PARD3B: variants seen among roughly 807,000 people sequenced by gnomAD.
PARD3B encodes the protein par-3 family cell polarity regulator beta, also known as partitioning defective 3 homolog B.
In PARD3B, 103 loss-of-function variants were observed where a neutral mutation model predicts 130.2. The observed-to-expected ratio is 0.79, with a 90% CI of 0.67 to 0.93. The LOEUF is 0.93. Ranked by LOEUF, PARD3B falls within the 40% of genes least tolerant of loss-of-function variation. The probability of loss-of-function intolerance (pLI) is 0.00; values close to 1 mark genes in which losing one functional copy is unlikely to be tolerated. For synonymous variants in PARD3B, 583 were observed against 553.2 expected (o/e 1.05, Z -0.76); for missense variants, 1,609 against 1,499.2 (o/e 1.07, Z -1.21).
chr2:204,749,004 G>A (rs576403325), intron 2 of PARD3B, among the ~76,000 whole-genome samples: 4 of 151,806 alleles, frequency 2.6e-5, no homozygotes, highest in East Asian at 1.9e-4. Context: ...CCCCCTTTTC[G>A]TTAATATCAA....
intron 21 of PARD3B, among the ~76,000 whole-genome samples, chr2:205,524,100 G>C (rs1320669860): frequency 6.6e-6 from 1 of 151,836 alleles, no homozygotes; most frequent in African/African-American, 2.4e-5. Context: ...TAAGTAACTT[G>C]TTTTCTCTAT....
chr2:205,123,719 G>A (rs183613171), intron 8 of PARD3B, among the ~76,000 whole-genome samples: 145 of 151,846 alleles, frequency 9.5e-4, no homozygotes, highest in Non-Finnish European at 1.6e-3. Flanking sequence ...GATGGTCGCG[G>A]GTAGGTCACT....
intron 1 of PARD3B, among the ~76,000 whole-genome samples, chr2:204,547,722 C>T (rs2030095353): frequency 6.6e-6 from 1 of 152,114 alleles, no homozygotes; most frequent in South Asian, 2.1e-4. Flanking sequence ...AATTTATGCC[C>T]TCAAATCTTG....
intron 15 of PARD3B, among the ~76,000 whole-genome samples, chr2:205,199,302 T>C (rs768632496): frequency 7.9e-5 from 12 of 152,064 alleles, no homozygotes; most frequent in Non-Finnish European, 1.5e-4. Flanking sequence ...ATTCTGACAT[T>C]ATGATAACTT....
intron 4 of PARD3B, among the ~76,000 whole-genome samples, chr2:205,066,874 C>A (rs1240863305): frequency 1.3e-5 from 2 of 151,964 alleles, no homozygotes; most frequent in African/African-American, 4.8e-5. Flanking sequence ...TTCCTCATGT[C>A]TTTCAAGTGT....
rs757081166 is a variant in PARD3B, at chr2:204,858,394, C to A, written c.223-106758C>A. Among the ~76,000 whole-genome samples, 4 of 151,302 alleles carry A rather than the reference C, an allele frequency of 2.6e-5. No homozygotes were observed. The South Asian group carries it at 8.3e-4, about 32-fold the overall frequency. On this transcript the variant is annotated intron_variant, in intron 2 of 22. Coordinates refer to ENST00000406610, the MANE Select transcript of PARD3B (RefSeq NM_001302769.2). ...TTCAGCCTTTTTAAAAAAGGAGATT[C>A]TGCTCTATGCCACAACATGGATGGT...
At chr2:205,499,830 G>T in intron 20 of PARD3B, 66 bp from the exon 21 acceptor site, 2 of 1,450,510 alleles carry the variant, frequency 1.4e-6, no homozygotes, top group South Asian at 1.4e-5. Flanking sequence ...TTAACAAGAA[G>T]ATCCAAAAGT....
At chr2:204,715,881 T>A (rs1475710390) in intron 2 of PARD3B, among the ~76,000 whole-genome samples, 1 of 152,188 alleles carries the variant, frequency 6.6e-6, no homozygotes, top group Non-Finnish European at 1.5e-5. Context: ...TCTAGTTTTT[T>A]AATTATCTCT....
At chr2:205,423,228 T>G (rs1271756391) in intron 19 of PARD3B, among the ~76,000 whole-genome samples, 2 of 152,164 alleles carry the variant, frequency 1.3e-5, no homozygotes, top group Non-Finnish European at 2.9e-5. Context: ...GCCAGTGCTG[T>G]GTCCTCAGTG....
intron 2 of PARD3B, among the ~76,000 whole-genome samples, chr2:204,850,178 G>T (rs1039089008): frequency 2.0e-5 from 3 of 152,016 alleles, no homozygotes; most frequent in Non-Finnish European, 4.4e-5. Context: ...TTTGTATTTT[G>T]CCTCCATTTT....
intron 18 of PARD3B, among the ~76,000 whole-genome samples, chr2:205,334,828 C>T (rs915956966): frequency 1.3e-5 from 2 of 152,180 alleles, no homozygotes; most frequent in Non-Finnish European, 2.9e-5. Context: ...AAGTGAAGGA[C>T]AAAGCATAAG....
At chr2:205,362,523 C>T (rs1015902452) in intron 18 of PARD3B, among the ~76,000 whole-genome samples, 29 of 152,254 alleles carry the variant, frequency 1.9e-4, no homozygotes, top group Middle Eastern at 3.4e-3. Flanking sequence ...AATGAAAATG[C>T]CCCCAGCTCC....
chr2:204,920,612 A>C (rs752134765), intron 2 of PARD3B, among the ~76,000 whole-genome samples: 9 of 152,172 alleles, frequency 5.9e-5, no homozygotes, highest in Admixed American at 1.3e-4. Context: ...CAAGCATTCA[A>C]TTTTTGCATT....
chr2:204,604,454 A>G (rs1356603484), intron 1 of PARD3B, among the ~76,000 whole-genome samples: 1 of 152,228 alleles, frequency 6.6e-6, no homozygotes, highest in African/African-American at 2.4e-5. Flanking sequence ...TTTAACATCC[A>G]GTCTTTCCAA....
At chr2:205,401,753 C>T (rs766752188) in intron 19 of PARD3B, among the ~76,000 whole-genome samples, 1 of 152,104 alleles carries the variant, frequency 6.6e-6, no homozygotes, top group African/African-American at 2.4e-5. Flanking sequence ...TGGCACTTAT[C>T]GCAAGTGGAT....
At chr2:205,083,010 A>G (rs796176313) in intron 4 of PARD3B, among the ~76,000 whole-genome samples, 2 of 147,742 alleles carry the variant, frequency 1.4e-5, no homozygotes, top group African/African-American at 5.0e-5. Context: ...ACCTCTGCCT[A>G]CTGGGTTCAA....
intron 1 of PARD3B, among the ~76,000 whole-genome samples, chr2:204,596,392 G>A (rs2033290445): frequency 6.6e-6 from 1 of 151,948 alleles, no homozygotes; most frequent in South Asian, 2.1e-4. Flanking sequence ...TGGAAGTCTT[G>A]GAGCAGGGCT....
chr2:204,903,249 A>G (rs1475939256), intron 2 of PARD3B, among the ~76,000 whole-genome samples: 1 of 152,230 alleles, frequency 6.6e-6, no homozygotes, highest in Non-Finnish European at 1.5e-5. Flanking sequence ...TTTCAAACCA[A>G]TTAGGAACAG....
chr2:205,594,638 T>C (rs1248921679), intron 22 of PARD3B, among the ~76,000 whole-genome samples: 1 of 152,126 alleles, frequency 6.6e-6, no homozygotes, highest in Non-Finnish European at 1.5e-5. Context: ...AGGCAAGTCC[T>C]GAGATTAAAG....
Sources: allele counts gnomAD v4.1 joint callset (sites outside exome capture counted in the v4.1 genomes callset), GRCh38; gene constraint gnomAD v4.1.1; transcripts MANE v1.5; gene names NCBI Gene and HGNC (gene_info 2026-07-23, HGNC 2026-07-21).